SEPTIN10: variants seen among roughly 807,000 people sequenced by gnomAD.
The protein encoded by SEPTIN10 is septin-10.
SEPTIN10 carries 66 observed loss-of-function variants against 54.8 expected under a neutral mutation model. That is an observed-to-expected ratio of 1.21 (90% CI 0.99 to 1.48). The LOEUF (loss-of-function observed/expected upper bound fraction) is 1.48. Among genes scored for constraint, SEPTIN10 ranks in the 40% most tolerant of loss-of-function variants. SEPTIN10 has a pLI of 0.00. For synonymous variants in SEPTIN10, 161 were observed against 181.0 expected, an observed-to-expected ratio of 0.89 and a Z score of 0.89; for missense variants, 620 against 545.6, an observed-to-expected ratio of 1.14 and a Z score of -1.36.
At chr2:109,546,991 C>G (rs1260495805) in intron 9 of SEPTIN10, among the ~76,000 whole-genome samples, 13 of 152,166 alleles carry the variant, frequency 8.5e-5, no homozygotes. Context: ...CAGGAAAGCT[C>G]TCTGACCTCC....
At chr2:109,591,315 G>C (rs1019563159) in intron 2 of SEPTIN10, among the ~76,000 whole-genome samples, 1 of 152,102 alleles carries the variant, frequency 6.6e-6, no homozygotes, top group African/African-American at 2.4e-5. Flanking sequence ...TACAATGACA[G>C]GATTTTAATG....
rs759747997 is a variant in SEPTIN10 at position 109,553,153 on chromosome 2, T to G, written c.1095A>C (p.Glu365Asp). The change falls in exon 9 of 11, where the codon GAA becomes GAC. Residue 365 changes from glutamate to aspartate, a missense_variant. Physicochemically the swap from Glu to Asp is conservative, Grantham distance 45. Transcript: ENST00000397712. ...FHGERQRKEEEMKQMFVQRVK... is the reference protein window; with the variant it reads ...FHGERQRKEEDMKQMFVQRVK... Reference sequence around the variant, plus strand: ...CTCGCTGCACAAACATCTGTTTCATTTCTTCTTCCTTCCTCTGACGTTCAC... The same window carrying G: ...CTCGCTGCACAAACATCTGTTTCATGTCTTCTTCCTTCCTCTGACGTTCAC... The G allele has an allele frequency of 6.2e-7, 1 of 1,614,138 alleles. No individual in the cohort carries two copies. The highest frequency in any genetic ancestry group is 8.5e-7 in the Non-Finnish European group (1 of 1,180,036).
intron 1 of SEPTIN10, 30 bp downstream of exon 1, chr2:109,613,768 G>A (rs1427420873): frequency 2.5e-6 from 3 of 1,214,940 alleles, no homozygotes; most frequent in African/African-American, 1.6e-5. Context: ...GGGAGCGCGG[G>A]GCTGGGGCCC....
intron 4 of SEPTIN10, among the ~76,000 whole-genome samples, chr2:109,575,178 C>T (rs558771461): frequency 1.3e-5 from 2 of 152,156 alleles, no homozygotes; most frequent in East Asian, 3.9e-4. Flanking sequence ...CATGCTGGGT[C>T]CCTTTCTGAC....
chr2:109,602,029 GAAGGATTCAAGTTGT>G (rs972748840), intron 1 of SEPTIN10, among the ~76,000 whole-genome samples: 4 of 152,184 alleles, frequency 2.6e-5, no homozygotes, highest in African/African-American at 9.7e-5. Flanking sequence ...GGAAATGACT[GAAGGATTCAAGTTGT>G]CTAACAGAGA....
chr2:109,596,265 A>G (rs1053339234), intron 1 of SEPTIN10, among the ~76,000 whole-genome samples: 1 of 152,194 alleles, frequency 6.6e-6, no homozygotes, highest in Non-Finnish European at 1.5e-5. Flanking sequence ...ATAGCATATC[A>G]TGAGTTTTGG....
intron 4 of SEPTIN10, among the ~76,000 whole-genome samples, chr2:109,580,738 T>C (rs1354806252): frequency 2.0e-5 from 3 of 152,178 alleles, no homozygotes; most frequent in Admixed American, 6.5e-5. Context: ...AAAAAAGGTT[T>C]TAAAACACTG....
At chr2:109,588,690 C>T (rs1478274186) in intron 2 of SEPTIN10, among the ~76,000 whole-genome samples, 4 of 150,110 alleles carry the variant, frequency 2.7e-5, no homozygotes, top group African/African-American at 7.3e-5. Context: ...GGGGTTTCAC[C>T]GTGTTGGCCA....
chr2:109,546,648 T>C (rs1219484027), intron 9 of SEPTIN10, among the ~76,000 whole-genome samples: 1 of 152,104 alleles, frequency 6.6e-6, no homozygotes, highest in Non-Finnish European at 1.5e-5. Flanking sequence ...AAATAAAATA[T>C]ATGCAGTAAA....
intron 1 of SEPTIN10, among the ~76,000 whole-genome samples, chr2:109,597,194 G>C (rs927526645): frequency 6.6e-6 from 1 of 152,136 alleles, no homozygotes; most frequent in African/African-American, 2.4e-5. Flanking sequence ...GTCTGCCTCA[G>C]CCTCCCAAAG....
At chr2:109,585,928 C>G in intron 2 of SEPTIN10, 90 bp from the exon 3 acceptor site, 1 of 862,498 alleles carries the variant, frequency 1.2e-6, no homozygotes, top group Non-Finnish European at 1.8e-6. Context: ...ACAAATATAT[C>G]AAATAAATGA....
At chr2:109,552,827 C>T in intron 9 of SEPTIN10, 3 of 372,850 alleles carry the variant, frequency 8.0e-6, no homozygotes, top group Non-Finnish European at 1.4e-5. Flanking sequence ...GTAGCTGCTG[C>T]AGCTTCCAGT....
intron 4 of SEPTIN10, among the ~76,000 whole-genome samples, chr2:109,578,586 G>A (rs1690296369): frequency 6.6e-6 from 1 of 152,068 alleles, no homozygotes; most frequent in Non-Finnish European, 1.5e-5. Flanking sequence ...GGCCAACAGG[G>A]CGAAACCCCA....
At chr2:109,547,557 T>C (rs1171849263) in intron 9 of SEPTIN10, among the ~76,000 whole-genome samples, 2 of 152,036 alleles carry the variant, frequency 1.3e-5, no homozygotes, top group Non-Finnish European at 2.9e-5. Flanking sequence ...GGGCTGAAAA[T>C]CATCTTGATA....
chr2:109,555,037 G>T (rs1013387626), intron 8 of SEPTIN10, among the ~76,000 whole-genome samples: 1 of 152,036 alleles, frequency 6.6e-6, no homozygotes, highest in African/African-American at 2.4e-5. Flanking sequence ...CCTGATCTTT[G>T]TGATTTTCTG....
chr2:109,588,858 A>C (rs1208669936), intron 2 of SEPTIN10, among the ~76,000 whole-genome samples: 4 of 151,132 alleles, frequency 2.6e-5, no homozygotes, highest in African/African-American at 9.8e-5. Flanking sequence ...ATTAAAAAAA[A>C]AAAAAAAAAA....
Position 109,593,126 on chromosome 2 carries a change from A to C in SEPTIN10, c.31-7T>G. 6.3e-7 allele frequency: 1 copy of C among 1,583,712 alleles called. No individual in the cohort carries two copies. Among genetic ancestry groups the C allele is most frequent in the Non-Finnish European group, 8.6e-7 (1 of 1,165,034 alleles). ...CCATGTGAGACTGAAAGAGCTAAAA[A>C]AGGAATACAAAGGCTTAAAAGGAAA... On this transcript the variant is annotated splice_region_variant and splice_polypyrimidine_tract_variant and intron_variant, in intron 1 of 10. Coordinates refer to ENST00000397712, the MANE Select transcript of SEPTIN10 (RefSeq NM_144710.5).
At chr2:109,580,154 A>C (rs1196024674) in intron 4 of SEPTIN10, among the ~76,000 whole-genome samples, 1 of 151,760 alleles carries the variant, frequency 6.6e-6, no homozygotes, top group Non-Finnish European at 1.5e-5. Flanking sequence ...ATACAGGCTA[A>C]AAAAACTTCA....
chr2:109,546,004 G>T, intron 10 of SEPTIN10, 46 bp downstream of exon 10: 3 of 1,524,230 alleles, frequency 2.0e-6, no homozygotes, highest in South Asian at 2.7e-5. Flanking sequence ...AGGGCAATGT[G>T]ACAAGTGTGG....
Sources: gnomAD v4.1 joint callset for allele counts (sites outside exome capture counted in the v4.1 genomes callset) on GRCh38, gnomAD v4.1.1 for gene constraint, MANE v1.5 for transcripts, NCBI Gene and HGNC (gene_info 2026-07-23, HGNC 2026-07-21) for gene names.